The following CEBPZOS variants were observed in gnomAD, a reference collection of about 807,000 sequenced individuals.
CEBPZOS encodes the protein protein CEBPZOS.
CEBPZOS carries 10 observed loss-of-function variants against 4.8 expected under a neutral mutation model. The observed-to-expected ratio is 2.07, with a 90% CI of 1.28 to 3.52. The LOEUF is 3.52. Among genes scored for constraint, CEBPZOS ranks in the 30% most tolerant of loss-of-function variants. The pLI, the probability that CEBPZOS is intolerant of heterozygous loss-of-function variation, is 0.00. For missense variants in CEBPZOS, 98 were observed against 43.6 expected (o/e 2.25, Z -3.51); for synonymous variants, 25 against 14.2 (o/e 1.77, Z -1.72).
downstream of CEBPZOS, among the ~76,000 whole-genome samples, chr2:37,208,489 C>A (rs1398726310): frequency 6.6e-6 from 1 of 152,114 alleles, no homozygotes; most frequent in Non-Finnish European, 1.5e-5. Flanking sequence ...GCTGGTTTAA[C>A]ATACGCAAGT....
In CEBPZOS at chr2:37,202,820, T is replaced by C. The variant is rs1677339941; in HGVS notation, c.*960T>C. The C allele has an allele frequency of 1.9e-6, 3 of 1,599,708 alleles. No homozygotes were observed. The highest frequency in any genetic ancestry group is 1.3e-5 in the African/African-American group (1 of 74,358). On this transcript the variant is annotated 3_prime_UTR_variant, in exon 5 of 5. Transcript: ENST00000402297. ...TTGTTAGCCATGGCATTCATGCCAA[T>C]GTTATCAAACTTGGATCCCATATTT...
downstream of CEBPZOS, among the ~76,000 whole-genome samples, chr2:37,207,203 T>C (rs1248170572): frequency 1.3e-5 from 2 of 152,252 alleles, no homozygotes; most frequent in Non-Finnish European, 2.9e-5. Context: ...ACAATAATAG[T>C]GGGTGACTTC....
chr2:37,215,072 G>T, downstream of CEBPZOS: 1 of 699,166 alleles, frequency 1.4e-6, no homozygotes. Context: ...TGTGTGGGAA[G>T]GTAGACAGAA....
At chr2:37,205,913 T>C (rs957640683), downstream of CEBPZOS, among the ~76,000 whole-genome samples, 5 of 152,176 alleles carry the variant, frequency 3.3e-5, no homozygotes, top group African/African-American at 9.7e-5. Flanking sequence ...TAAAGGAGCA[T>C]GGATTATTGC....
intron 4 of CEBPZOS, chr2:37,210,925 T>G (rs921789126): frequency 7.8e-6 from 8 of 1,027,406 alleles, no homozygotes; most frequent in Non-Finnish European, 1.1e-5. Flanking sequence ...TTTAGGAGAG[T>G]TCATTTCCCA....
At chr2:37,207,005 C>G (rs1426022452), downstream of CEBPZOS, among the ~76,000 whole-genome samples, 8 of 152,246 alleles carry the variant, frequency 5.3e-5, no homozygotes, top group Admixed American at 5.2e-4. Context: ...ACTAGCTATT[C>G]TTATATCAGA....
chr2:37,210,766 AAAT>A, intron 4 of CEBPZOS: 3 of 425,350 alleles, frequency 7.1e-6, no homozygotes, highest in East Asian at 4.2e-5. Context: ...AAAACAACTG[AAAT>A]AATGATAACA....
At chr2:37,206,648 A>C (rs185940690), downstream of CEBPZOS, among the ~76,000 whole-genome samples, 3 of 152,130 alleles carry the variant, frequency 2.0e-5, no homozygotes, top group Admixed American at 2.0e-4. Flanking sequence ...GAGCCACTAC[A>C]CTCAGCCTAG....
At chr2:37,213,490 C>T (rs2148351055) in exon 5 of CEBPZOS, 1 of 160,192 alleles carries the variant, frequency 6.2e-6, no homozygotes, top group South Asian at 1.7e-4. Flanking sequence ...TGGCTCACGG[C>T]AACCTCTGAC....
In CEBPZOS at chr2:37,204,054, T is replaced by G. The variant is rs1677419611; in HGVS notation, c.*2194T>G. 6.6e-6 allele frequency: 1 copy of G among 152,156 alleles called. No individual in the cohort carries two copies. The highest frequency in any genetic ancestry group is 1.5e-5 in the Non-Finnish European group (1 of 68,030). 9.4% of individuals were successfully genotyped at this position (152,156 alleles called of 1,614,324 possible). A position where few individuals can be genotyped will look rare whatever the true frequency, so the allele number is the denominator to read the frequency against. ...AAATAGTTTCTAAAACATTTCATCTTGATTTTTATTAAGGTGATATGTATG... is the reference window on the plus strand; with the variant it reads ...AAATAGTTTCTAAAACATTTCATCTGGATTTTTATTAAGGTGATATGTATG... On this transcript the variant is annotated 3_prime_UTR_variant, in exon 5 of 5. Transcript: ENST00000402297.
chr2:37,212,533 C>T, intron 4 of CEBPZOS: 1 of 703,062 alleles, frequency 1.4e-6, no homozygotes, highest in Non-Finnish European at 2.4e-6. Context: ...GTTACTGTTG[C>T]TAGTGTGCCT....
rs1297487692 is a variant in CEBPZOS, at chr2:37,201,730, A to C, written c.*2+4A>C. Reference sequence around the variant, plus strand: ...GGTTGAACAGCAAAAATTAGATGTAAGTAGAATTTTAATCTATAATTTACA... The same window carrying C: ...GGTTGAACAGCAAAAATTAGATGTACGTAGAATTTTAATCTATAATTTACA... On this transcript the variant is annotated splice_donor_region_variant and intron_variant, in intron 4 of 4. Transcript: ENST00000402297. 4 of 1,206,376 alleles carry C rather than the reference A, an allele frequency of 3.3e-6. No homozygotes were observed. Among genetic ancestry groups the C allele is most frequent in the Non-Finnish European group, 4.8e-6 (4 of 828,834 alleles). 74.7% of individuals were successfully genotyped at this position (1,206,376 alleles called of 1,614,324 possible). A position where few individuals can be genotyped will look rare whatever the true frequency, so the allele number is the denominator to read the frequency against.
chr2:37,198,120 ACTGCACT>A (rs1341926432), intron 1 of CEBPZOS, among the ~76,000 whole-genome samples: 1 of 152,102 alleles, frequency 6.6e-6, no homozygotes, highest in Non-Finnish European at 1.5e-5. Flanking sequence ...AGATCGCGCC[ACTGCACT>A]CCAGCCTGGG....
At chr2:37,212,580 G>T in intron 4 of CEBPZOS, 1 of 538,032 alleles carries the variant, frequency 1.9e-6, no homozygotes, top group East Asian at 3.1e-5. Flanking sequence ...ACTGATCTTA[G>T]TTAAATCCCA....
chr2:37,211,322 C>T (rs1311890067), intron 4 of CEBPZOS: 2 of 350,084 alleles, frequency 5.7e-6, no homozygotes, highest in Admixed American at 9.0e-5. Flanking sequence ...ATTAATAAGA[C>T]CAAATAATAT....
At chr2:37,214,789 A>T, downstream of CEBPZOS, 1 of 744,212 alleles carries the variant, frequency 1.3e-6, no homozygotes, top group Non-Finnish European at 2.3e-6. Flanking sequence ...GTAGTAGATT[A>T]TTGAAGTAGA....
downstream of CEBPZOS, chr2:37,216,140 C>G: frequency 6.2e-7 from 1 of 1,607,154 alleles, no homozygotes; most frequent in Admixed American, 1.7e-5. Flanking sequence ...TTATACTTAC[C>G]AGGAAGATGA....
chr2:37,199,837 G>C lies in CEBPZOS; in HGVS notation c.115+18G>C. On this transcript the variant is annotated intron_variant, in intron 2 of 4. Transcript: ENST00000402297. ...AAGCCAAGGTAATCATAATTCAGAAGTTAATGCTTTCTAAAGGGGTATAGT... is the reference window on the plus strand; with the variant it reads ...AAGCCAAGGTAATCATAATTCAGAACTTAATGCTTTCTAAAGGGGTATAGT... 1 of 716,176 alleles carries C rather than the reference G, an allele frequency of 1.4e-6. No individual in the cohort carries two copies. The highest frequency in any genetic ancestry group is 2.6e-6 in the Non-Finnish European group (1 of 384,274). 44.4% of individuals were successfully genotyped at this position (716,176 alleles called of 1,614,324 possible).
chr2:37,208,656 G>A (rs947676930), downstream of CEBPZOS, among the ~76,000 whole-genome samples: 2 of 152,028 alleles, frequency 1.3e-5, no homozygotes, highest in Non-Finnish European at 2.9e-5. Context: ...AGTAATGAAA[G>A]CCATCTATGA....
Sources: allele counts gnomAD v4.1 joint callset (sites outside exome capture counted in the v4.1 genomes callset), GRCh38; gene constraint gnomAD v4.1.1; transcripts MANE v1.5; gene names NCBI Gene and HGNC (gene_info 2026-07-23, HGNC 2026-07-21).